Variants in DGKG observed in about 807,000 individuals in gnomAD.
DGKG encodes the protein diacylglycerol kinase gamma, also known as DAG kinase gamma.
Under a neutral mutation model 105.3 loss-of-function variants are expected in DGKG, and 78 were observed. The observed-to-expected ratio is 0.74, with a 90% CI of 0.62 to 0.89. DGKG has a LOEUF of 0.89. Ranked by LOEUF, DGKG falls within the 40% of genes least tolerant of loss-of-function variation. The pLI is 0.00. For missense variants in DGKG, 958 were observed against 1,020.1 expected (o/e 0.94, Z 0.83); for synonymous variants, 346 against 367.1 (o/e 0.94, Z 0.66).
intron 21 of DGKG, among the ~76,000 whole-genome samples, chr3:186,189,793 T>C (rs578164774): frequency 6.6e-6 from 1 of 152,318 alleles, no homozygotes; most frequent in Admixed American, 6.5e-5. Context: ...AACTCATTTT[T>C]TCACTGGGAA....
intron 3 of DGKG, chr3:186,306,577 T>C: frequency 4.1e-6 from 1 of 243,282 alleles, no homozygotes; most frequent in South Asian, 7.7e-5. Context: ...GCCTATGGGG[T>C]GAGGGAGCTT....
At chr3:186,196,589 G>A (rs911649314) in intron 21 of DGKG, among the ~76,000 whole-genome samples, 3 of 152,198 alleles carry the variant, frequency 2.0e-5, no homozygotes, top group Admixed American at 6.5e-5. Context: ...TAATTAGAGT[G>A]AGCTGATCCA....
At position 186,206,874 on chromosome 3, in the gene DGKG, C is replaced by T. The variant is rs143737864; in HGVS notation, c.1917+4921G>A. 4.8e-3 allele frequency among the ~76,000 whole-genome samples: 735 copies of T among 152,228 alleles called. 4 individuals are homozygous for T. Among genetic ancestry groups the T allele is most frequent in the African/African-American group, 0.017 (699 of 41,514 alleles). On this transcript the variant is annotated intron_variant, in intron 21 of 24. Coordinates refer to ENST00000265022, the MANE Select transcript of DGKG (RefSeq NM_001346.3). ...AAGAGATTCTCCTGCCTCAGCCCCCCGAGTAGCTGGGATTGTAGGCATGTG... is the reference window on the plus strand; with the variant it reads ...AAGAGATTCTCCTGCCTCAGCCCCCTGAGTAGCTGGGATTGTAGGCATGTG...
intron 1 of DGKG, among the ~76,000 whole-genome samples, chr3:186,347,184 C>A (rs1340413148): frequency 6.6e-6 from 1 of 152,002 alleles, no homozygotes; most frequent in Non-Finnish European, 1.5e-5. Context: ...CGGGGCGGCT[C>A]ACCCCCGTAA....
intron 10 of DGKG, among the ~76,000 whole-genome samples, chr3:186,274,987 A>G (rs988366040): frequency 1.2e-4 from 18 of 152,278 alleles, no homozygotes; most frequent in Admixed American, 1.1e-3. Context: ...TGGTTGAACT[A>G]GTTTACAGTC....
At chr3:186,199,185 G>T (rs912879498) in intron 21 of DGKG, among the ~76,000 whole-genome samples, 1 of 152,060 alleles carries the variant, frequency 6.6e-6, no homozygotes, top group African/African-American at 2.4e-5. Context: ...TCTTGACCTC[G>T]TGATCTGCCC....
intron 2 of DGKG, among the ~76,000 whole-genome samples, chr3:186,311,932 A>G (rs1048509553): frequency 7.7e-6 from 1 of 130,394 alleles, no homozygotes; most frequent in Non-Finnish European, 1.5e-5. Context: ...CTGGCTAACA[A>G]GGTGAAACCC....
At chr3:186,246,463 G>A (rs1332282429) in intron 19 of DGKG, among the ~76,000 whole-genome samples, 1 of 152,154 alleles carries the variant, frequency 6.6e-6, no homozygotes, top group Non-Finnish European at 1.5e-5. Flanking sequence ...CATACCACAT[G>A]TGGCTGATGG....
chr3:186,299,844 T>TCTTTCTTTCTTTCTC (rs1723831766), intron 3 of DGKG, among the ~76,000 whole-genome samples: 1 of 145,908 alleles, frequency 6.9e-6, no homozygotes. Flanking sequence ...TTTCTTTTTT[T>TCTTTCTTTCTTTCTC]TTTTTTTTGA....
chr3:186,312,265 T>C (rs1006701433), intron 2 of DGKG, among the ~76,000 whole-genome samples: 3 of 151,248 alleles, frequency 2.0e-5, no homozygotes, highest in African/African-American at 7.3e-5. Flanking sequence ...GAGAGTGGAA[T>C]TCTAAGGTAC....
Position 186,275,559 on chromosome 3 carries a change from G to A in DGKG, c.898C>T (p.Leu300=). The A allele has an allele frequency of 1.9e-6, 3 of 1,614,172 alleles. No individual in the cohort carries two copies. Among genetic ancestry groups the A allele is most frequent in the Non-Finnish European group, 2.5e-6 (3 of 1,179,970 alleles). The change falls in exon 10 of 25, where the codon CTG becomes TTG. Residue 300 remains leucine, a synonymous_variant. Transcript: ENST00000265022. ...IMLMGVRKQG[L]CCTYCKYTVH... ...GAAATTTACTCACAAGTGCAGCACAGGCCTTGCTTGCGGACGCCCATGAGC... is the reference window on the plus strand; with the variant it reads ...GAAATTTACTCACAAGTGCAGCACAAGCCTTGCTTGCGGACGCCCATGAGC...
At chr3:186,164,040 G>A (rs1211035394) in intron 23 of DGKG, among the ~76,000 whole-genome samples, 1 of 152,208 alleles carries the variant, frequency 6.6e-6, no homozygotes, top group Non-Finnish European at 1.5e-5. Flanking sequence ...GGACCTTTCT[G>A]AGGAATGCAG....
chr3:186,316,937 G>A (rs1431602582), intron 2 of DGKG, among the ~76,000 whole-genome samples: 3 of 152,236 alleles, frequency 2.0e-5, no homozygotes, highest in African/African-American at 7.2e-5. Flanking sequence ...TTCCTCTGAG[G>A]ATTAATCATT....
At chr3:186,347,861 G>C (rs542301342) in intron 1 of DGKG, among the ~76,000 whole-genome samples, 3 of 152,202 alleles carry the variant, frequency 2.0e-5, no homozygotes, top group Non-Finnish European at 2.9e-5. Flanking sequence ...GGGATTACAG[G>C]CATGAGCCTC....
chr3:186,175,351 C>T (rs1717022503), intron 22 of DGKG, among the ~76,000 whole-genome samples: 1 of 152,170 alleles, frequency 6.6e-6, no homozygotes, highest in African/African-American at 2.4e-5. Context: ...GTTGTTGGTT[C>T]CTGAAAACCT....
At chr3:186,205,257 C>CAAAA (rs71164580) in intron 21 of DGKG, among the ~76,000 whole-genome samples, 1 of 72,968 alleles carries the variant, frequency 1.4e-5, no homozygotes, top group African/African-American at 5.6e-5. Context: ...AACTCCTTCT[C>CAAAA]AAAAAAAAAA....
At chr3:186,237,959 T>C (rs1720494678) in intron 20 of DGKG, among the ~76,000 whole-genome samples, 1 of 152,122 alleles carries the variant, frequency 6.6e-6, no homozygotes, top group African/African-American at 2.4e-5. Flanking sequence ...TGAAAACAGT[T>C]CTTAGTCAGG....
rs1722995548 is a variant in DGKG at position 186,284,981 on chromosome 3, A to AC, written c.545-273dup. Among the ~76,000 whole-genome samples, 1 of 152,202 alleles carries AC rather than the reference A, an allele frequency of 6.6e-6. No individual in the cohort carries two copies. ...GAGTGTAATTCCCTGGGGAGCATGA[A>AC]CACATTTCAGCGTCACTAGAACACA... On this transcript the variant is annotated intron_variant, in intron 6 of 24. Coordinates refer to ENST00000265022, the MANE Select transcript of DGKG (RefSeq NM_001346.3). This position sits in a 1 kb window ranked among gnomAD's most constrained non-coding sequence, Gnocchi z 4.0.
intron 20 of DGKG, among the ~76,000 whole-genome samples, chr3:186,223,041 T>TATATATA (rs1719673534): frequency 5.1e-5 from 3 of 59,262 alleles, no homozygotes; most frequent in Admixed American, 2.1e-4. Context: ...ATATGTCTCA[T>TATATATA]GATATACACT....
Sources: gnomAD v4.1 joint callset for allele counts (sites outside exome capture counted in the v4.1 genomes callset) on GRCh38, gnomAD v4.1.1 for gene constraint, Gnocchi (gnomAD v3.1) non-coding constraint, MANE v1.5 for transcripts, NCBI Gene and HGNC (gene_info 2026-07-23, HGNC 2026-07-21) for gene names.